The following LDLRAP1 variants were observed in gnomAD, a reference collection of about 807,000 sequenced individuals.
The protein encoded by LDLRAP1 is low density lipoprotein receptor adapter protein 1.
Under a neutral mutation model 37.8 loss-of-function variants are expected in LDLRAP1, and 30 were observed. The observed-to-expected ratio is 0.79, with a 90% CI of 0.59 to 1.08. LDLRAP1 has a LOEUF of 1.08. Among genes scored for constraint, LDLRAP1 ranks in the 50% least tolerant of loss-of-function variants. The pLI is 0.00. For synonymous variants in LDLRAP1, 156 were observed against 169.8 expected, an observed-to-expected ratio of 0.92 and a Z score of 0.63; for missense variants, 375 against 401.6, an observed-to-expected ratio of 0.93 and a Z score of 0.57.
intron 6 of LDLRAP1, 104 bp from the exon 7 acceptor site, chr1:25,563,557 C>T (rs554600053): frequency 6.6e-7 from 1 of 1,514,906 alleles, no homozygotes; most frequent in East Asian, 2.3e-5. Context: ...GAGGCCTGGG[C>T]AAGGCCACAT....
At chr1:25,545,632 C>T (rs1456940066) in intron 1 of LDLRAP1, among the ~76,000 whole-genome samples, 1 of 152,154 alleles carries the variant, frequency 6.6e-6, no homozygotes, top group Non-Finnish European at 1.5e-5. Flanking sequence ...AGAGGAGCAC[C>T]TCTCCCCCTC....
chr1:25,563,472 G>A (rs921712525), intron 6 of LDLRAP1, among the ~76,000 whole-genome samples, 189 bp from the exon 7 acceptor site: 3 of 152,198 alleles, frequency 2.0e-5, no homozygotes, highest in Non-Finnish European at 2.9e-5. Context: ...TTCAGTCTAA[G>A]CCATTAGTCA....
At chr1:25,563,043 C>T in intron 5 of LDLRAP1, 27 bp from the exon 6 acceptor site, 1 of 1,609,310 alleles carries the variant, frequency 6.2e-7, no homozygotes, top group South Asian at 1.1e-5. Context: ...GTCTGAGGCT[C>T]CAACATGTTG....
At chr1:25,547,764 G>A (rs553907702) in intron 1 of LDLRAP1, among the ~76,000 whole-genome samples, 3 of 152,314 alleles carry the variant, frequency 2.0e-5, no homozygotes, top group African/African-American at 7.2e-5. Flanking sequence ...TGTGCAGGGA[G>A]GATAAGGGCG....
At chr1:25,575,423 T>C in the LDLRAP1 span, among the ~76,000 whole-genome samples, 31 of 108,754 alleles carry the variant, frequency 2.9e-4, no homozygotes, top group African/African-American at 1.1e-3. Flanking sequence ...CTGTCTCTAC[T>C]AAAAAAAAAA....
intron 4 of LDLRAP1, among the ~76,000 whole-genome samples, chr1:25,560,834 G>T (rs774247649): frequency 9.9e-5 from 15 of 152,202 alleles, no homozygotes; most frequent in African/African-American, 3.1e-4. Context: ...TGGGCATCCC[G>T]CCTGGGCAGG....
At chr1:25,562,621 C>T (rs2044369339) in intron 4 of LDLRAP1, 23 bp from the exon 5 acceptor site, 1 of 1,609,716 alleles carries the variant, frequency 6.2e-7, no homozygotes, top group Non-Finnish European at 8.5e-7. Flanking sequence ...GCACCCCTCC[C>T]CATCCCCACT....
At chr1:25,550,939 C>T (rs976595184) in intron 1 of LDLRAP1, among the ~76,000 whole-genome samples, 9 of 151,712 alleles carry the variant, frequency 5.9e-5, no homozygotes, top group African/African-American at 1.9e-4. Flanking sequence ...ATGGAGGGAG[C>T]GGAAGTGACT....
At chr1:25,587,763 G>A in the LDLRAP1 span, among the ~76,000 whole-genome samples, 1 of 152,230 alleles carries the variant, frequency 6.6e-6, no homozygotes, top group South Asian at 2.1e-4. Flanking sequence ...TGGGCGTGGC[G>A]GGAGGACTCT....
intron 1 of LDLRAP1, among the ~76,000 whole-genome samples, chr1:25,549,652 A>G (rs1207800159): frequency 1.3e-5 from 2 of 152,184 alleles, no homozygotes; most frequent in Admixed American, 1.3e-4. Context: ...AGGGCTGTGC[A>G]CTCAGGCCTG....
chr1:25,547,818 G>A (rs778211131), intron 1 of LDLRAP1, among the ~76,000 whole-genome samples: 6 of 152,200 alleles, frequency 3.9e-5, no homozygotes, highest in Non-Finnish European at 5.9e-5. Flanking sequence ...AAGGTGACTC[G>A]GTACACACCG....
intron 1 of LDLRAP1, among the ~76,000 whole-genome samples, chr1:25,549,118 T>C (rs972707625): frequency 1.3e-5 from 2 of 152,272 alleles, no homozygotes; most frequent in Non-Finnish European, 2.9e-5. Context: ...GATAACAATC[T>C]CAACAGCTTT....
the LDLRAP1 span, among the ~76,000 whole-genome samples, chr1:25,579,935 C>T: frequency 1.3e-5 from 2 of 152,326 alleles, no homozygotes; most frequent in South Asian, 4.1e-4. Context: ...CCCCCTCCAA[C>T]CAATTTCCAA....
chr1:25,557,290 G>A, intron 4 of LDLRAP1, 23 bp downstream of exon 4: 7 of 1,576,808 alleles, frequency 4.4e-6, no homozygotes, highest in Non-Finnish European at 6.1e-6. Context: ...GGCTGGGGCG[G>A]GGACAGGGTC....
the LDLRAP1 span, among the ~76,000 whole-genome samples, chr1:25,587,096 C>T: frequency 1.3e-5 from 2 of 152,336 alleles, no homozygotes; most frequent in South Asian, 2.1e-4. Context: ...TGGCCCCTAA[C>T]TAAACCTTGA....
the LDLRAP1 span, among the ~76,000 whole-genome samples, chr1:25,588,720 TTCTCTATACTTTG>T: frequency 6.6e-6 from 1 of 152,152 alleles, no homozygotes; most frequent in Non-Finnish European, 1.5e-5. Flanking sequence ...CCTTTTTTCT[TTCTCTATACTTTG>T]TCTCTGTGTC....
the LDLRAP1 span, among the ~76,000 whole-genome samples, chr1:25,586,566 G>A: frequency 5.3e-5 from 8 of 149,590 alleles, no homozygotes; most frequent in East Asian, 2.0e-4. The surrounding 1 kb of genome is among the most constrained non-coding windows in gnomAD (Gnocchi z 4.3). Flanking sequence ...GTGTACGTGC[G>A]TGTGTGTGCG....
chr1:25,569,749 C>T (rs2044577313), downstream of LDLRAP1, among the ~76,000 whole-genome samples: 1 of 152,320 alleles, frequency 6.6e-6, no homozygotes, highest in South Asian at 2.1e-4. Flanking sequence ...CATATTGCAA[C>T]GGTTGTGCTG....
At chr1:25,559,096 C>T (rs770207892) in intron 4 of LDLRAP1, among the ~76,000 whole-genome samples, 3 of 152,154 alleles carry the variant, frequency 2.0e-5, no homozygotes, top group African/African-American at 2.4e-5. Flanking sequence ...CCACTTGCCT[C>T]GTGAGGTCCC....
Sources: gnomAD v4.1 joint callset for allele counts (sites outside exome capture counted in the v4.1 genomes callset) on GRCh38, gnomAD v4.1.1 for gene constraint, Gnocchi (gnomAD v3.1) non-coding constraint, MANE v1.5 for transcripts, NCBI Gene and HGNC (gene_info 2026-07-23, HGNC 2026-07-21) for gene names.